RHBG: variants seen among roughly 807,000 people sequenced by gnomAD.
The protein encoded by RHBG is ammonium transporter Rh type B.
A neutral mutation model predicts 40.1 loss-of-function variants in RHBG; 39 were observed. The ratio of observed to expected loss-of-function variants is 0.97; its 90% CI spans 0.75 to 1.27. The LOEUF (loss-of-function observed/expected upper bound fraction) is 1.27. Ranked by LOEUF, RHBG falls within the 50% of genes most tolerant of loss-of-function variation. The pLI is 0.00. For missense variants in RHBG, 549 were observed against 588.1 expected (o/e 0.93, Z 0.69); for synonymous variants, 237 against 252.5 (o/e 0.94, Z 0.58).
chr1:156,377,974 T>C lies in RHBG; in HGVS notation c.375-16T>C. 2 of 1,530,490 alleles carry C rather than the reference T, an allele frequency of 1.3e-6. No homozygotes were observed. Among genetic ancestry groups the C allele is most frequent in the African/African-American group, 2.8e-5 (2 of 72,620 alleles). The allele number at this position is 1,530,490 out of a possible 1,614,324, so 94.8% of individuals were successfully genotyped here. A position where few individuals can be genotyped will look rare whatever the true frequency, so the allele number is the denominator to read the frequency against. On this transcript the variant is annotated splice_polypyrimidine_tract_variant and intron_variant, in intron 2 of 9. Coordinates refer to ENST00000537040, the MANE Select transcript of RHBG (RefSeq NM_020407.5). This position sits in a 1 kb window ranked among gnomAD's most constrained non-coding sequence, Gnocchi z 4.6. Reference sequence around the variant, plus strand: ...CTCTGACCCCTCTTGTGCTCCCACTTCTGCCCCATCCCCAGCATGATCAAT... The same window carrying C: ...CTCTGACCCCTCTTGTGCTCCCACTCCTGCCCCATCCCCAGCATGATCAAT...
At chr1:156,383,860 T>G (rs1168580032) in intron 8 of RHBG, among the ~76,000 whole-genome samples, 4 of 116,348 alleles carry the variant, frequency 3.4e-5, no homozygotes, top group Non-Finnish European at 5.2e-5. Context: ...TGAGACGGAG[T>G]TTCGCTCTTG....
Position 156,377,535 on chromosome 1 carries a change from C to G in RHBG, c.374+48C>G. 6.4e-7 allele frequency: 1 copy of G among 1,566,914 alleles called. No individual in the cohort carries two copies. Among genetic ancestry groups the G allele is most frequent in the South Asian group, 1.1e-5 (1 of 87,668 alleles). On this transcript the variant is annotated intron_variant, in intron 2 of 9. Transcript: ENST00000537040. This position sits in a 1 kb window ranked among gnomAD's most constrained non-coding sequence, Gnocchi z 4.6. ...GCTCCCCAAGGTTCACTCGGGAGGC[C>G]CCTGCCCATGGGCCCCGGATCTAGC...
In RHBG at chr1:156,381,418, C is replaced by T. The variant is rs566768963; in HGVS notation, c.745C>T (p.Arg249Trp). ...CACAGCGCTGGGGGCTGGGCAGCAT[C>T]GGACGGCCCTCAACACATACTACTC... ...ALTALGAGQH[R>W]TALNTYYSLA... is the part of the protein sequence containing the mutation. Residue 249 changes from arginine (R) to tryptophan (W), a missense_variant, in exon 5 of 10, where the codon CGG becomes TGG. Physicochemically the swap from Arg to Trp is moderately radical, Grantham distance 101. Around this residue, in one of 3 missense-constraint regions of RHBG, gnomAD observed 399 missense variants for 417.0 expected, o/e 0.96. Coordinates refer to ENST00000537040, the MANE Select transcript of RHBG (RefSeq NM_020407.5). 54 of 1,614,094 alleles carry T rather than the reference C, an allele frequency of 3.3e-5. No homozygotes were observed. Among genetic ancestry groups the T allele is most frequent in the Non-Finnish European group, 4.0e-5 (47 of 1,180,018 alleles).
At chr1:156,369,971 T>C (rs1666729367) in intron 1 of RHBG, among the ~76,000 whole-genome samples, 1 of 152,036 alleles carries the variant, frequency 6.6e-6, no homozygotes, top group South Asian at 2.1e-4. Context: ...CCAGTTGGGA[T>C]CAGGCATTTC....
At chr1:156,376,678 A>T (rs568295920) in intron 1 of RHBG, among the ~76,000 whole-genome samples, 79 of 152,168 alleles carry the variant, frequency 5.2e-4, no homozygotes, top group East Asian at 2.9e-3. Context: ...TAAAATTTTT[A>T]AAAAAATAAC....
At chr1:156,381,991 C>T (rs751016554) in intron 6 of RHBG, 48 bp downstream of exon 6, 35 of 1,609,036 alleles carry the variant, frequency 2.2e-5, no homozygotes, top group South Asian at 1.8e-4. Flanking sequence ...TCTTTGGTAC[C>T]TTTCCTCCCG....
intron 4 of RHBG, among the ~76,000 whole-genome samples, chr1:156,378,944 C>A (rs1200150352): frequency 6.6e-6 from 1 of 151,802 alleles, no homozygotes; most frequent in Non-Finnish European, 1.5e-5. Flanking sequence ...CCCAGGGACC[C>A]ATAGGAGCTA....
At chr1:156,382,899 G>A in intron 8 of RHBG, 30 bp downstream of exon 8, 1 of 1,614,058 alleles carries the variant, frequency 6.2e-7, no homozygotes, top group African/African-American at 1.3e-5. Context: ...CTAGAGGAAG[G>A]GGCATGGGAT....
rs1217010802 is a variant in RHBG, at chr1:156,384,558, C to A, written c.1266C>A (p.Ser422=). Residue 422 remains serine, a synonymous_variant, in exon 9 of 10, where the codon TCC becomes TCA. Transcript: ENST00000537040. ...TGCTGAAGCTACCCTTTCTGGACTC[C>A]CCCCCAGACTCCCAGCACTACGAGG... ...GLLLKLPFLD[S]PPDSQHYEDQ... The A allele has an allele frequency of 6.2e-7, 1 of 1,600,878 alleles. No homozygotes were observed. Among genetic ancestry groups the A allele is most frequent in the South Asian group, 1.1e-5 (1 of 89,598 alleles).
rs747036887 is a variant in RHBG, at chr1:156,382,040, G to C, written c.979-28G>C. The C allele has an allele frequency of 3.1e-6, 5 of 1,611,174 alleles. No homozygotes were observed. The Admixed American group carries it at 8.5e-5, about 27-fold the overall frequency. On this transcript the variant is annotated intron_variant, in intron 6 of 9. Transcript: ENST00000537040. The stretch of plus-strand genomic sequence containing the variant: ...ATGAGGTGGTGGGGAGTGGGCACAG[G>C]AGACTCATGATCTGTCTTGCCCTCC...
intron 1 of RHBG, among the ~76,000 whole-genome samples, chr1:156,376,419 AGAGGTAT>A (rs1388067451): frequency 1.3e-5 from 2 of 149,624 alleles, no homozygotes; most frequent in East Asian, 3.9e-4. Context: ...GCTGGAGTGC[AGAGGTAT>A]GATCTTGGCT....
In RHBG at chr1:156,377,470, C is replaced by T; in HGVS notation, c.357C>T (p.Ile119=). Residue 119 remains isoleucine (I), a synonymous_variant, in exon 2 of 10, where the codon ATC becomes ATT. Coordinates refer to ENST00000537040, the MANE Select transcript of RHBG (RefSeq NM_020407.5). This position sits in a 1 kb window ranked among gnomAD's most constrained non-coding sequence, Gnocchi z 4.6. The part of the protein sequence containing the change: ...GFLHSFHGGH[I]HVGVESMINA... ...TCCACTCCTTCCACGGTGGCCACAT[C>T]CATGTTGGCGTGGAGAGGTGGGCAG... The T allele has an allele frequency of 6.2e-7, 1 of 1,611,670 alleles. No homozygotes were observed. Among genetic ancestry groups the T allele is most frequent in the Non-Finnish European group, 8.5e-7 (1 of 1,177,996 alleles).
chr1:156,371,909 G>A (rs1163738507), intron 1 of RHBG: 1 of 152,256 alleles, frequency 6.6e-6, no homozygotes. Flanking sequence ...TAAAAGGTGG[G>A]ATTCCTACTT....
At chr1:156,375,832 T>C (rs967843261) in intron 1 of RHBG, among the ~76,000 whole-genome samples, 1 of 151,896 alleles carries the variant, frequency 6.6e-6, no homozygotes, top group Admixed American at 6.6e-5. Flanking sequence ...CTCCACCTCC[T>C]GGGTTCAAGT....
chr1:156,382,565 A>G, intron 7 of RHBG, 183 bp from the exon 8 acceptor site: 1 of 763,420 alleles, frequency 1.3e-6, no homozygotes, highest in Non-Finnish European at 2.2e-6. Flanking sequence ...AAGGTGTTCC[A>G]GGCTGTGGGC....
chr1:156,381,649 A>G, intron 5 of RHBG, 136 bp downstream of exon 5: 8 of 1,376,260 alleles, frequency 5.8e-6, no homozygotes, highest in South Asian at 2.8e-5. Context: ...GCTGGTGGCT[A>G]TGGGATCAGA....
rs773560344 is a variant in RHBG, at chr1:156,378,041, C to T, written c.426C>T (p.Ala142=). The T allele has an allele frequency of 1.6e-5, 26 of 1,584,878 alleles. No homozygotes were observed. The highest frequency in any genetic ancestry group is 3.5e-5 in the South Asian group (3 of 86,248). The change falls in exon 3 of 10, where the codon GCC becomes GCT. Residue 142 remains alanine, a synonymous_variant. Transcript: ENST00000537040. Reference sequence around the variant, plus strand: ...GGGCCGTGCTCATCTCCTTTGGTGCCGTCCTGGGCAAGACCGGGCCTACCC... The same window carrying T: ...GGGCCGTGCTCATCTCCTTTGGTGCTGTCCTGGGCAAGACCGGGCCTACCC... ...CAGAVLISFG[A]VLGKTGPTQL...
intron 1 of RHBG, among the ~76,000 whole-genome samples, chr1:156,376,076 A>G (rs562114292): frequency 6.6e-6 from 1 of 152,244 alleles, no homozygotes; most frequent in African/African-American, 2.4e-5. Context: ...TTAGCTTTTT[A>G]TTCAGAGTGG....
In RHBG at chr1:156,378,383, C is replaced by A. The variant is rs758827981; in HGVS notation, c.657C>A (p.Asp219Glu). 3.1e-6 allele frequency: 5 copies of A among 1,604,678 alleles called. No homozygotes were observed. Among genetic ancestry groups the A allele is most frequent in the Non-Finnish European group, 4.3e-6 (5 of 1,174,296 alleles). ...KHRQGSVYHS[D>E]LFAMIGTIFL... ...GCCAGGGCTCCGTCTACCATTCAGA[C>A]CTCTTCGCCATGATTGGTGAGGCCT... Residue 219 changes from aspartate to glutamate, a missense_variant, in exon 4 of 10, where the codon GAC (aspartate) becomes GAA (glutamate). Transcript: ENST00000537040.
Sources: allele counts gnomAD v4.1 joint callset (sites outside exome capture counted in the v4.1 genomes callset), GRCh38; gene constraint gnomAD v4.1.1; regional missense constraint gnomAD v4.1.1; non-coding constraint Gnocchi (gnomAD v3.1); transcripts MANE v1.5; gene names NCBI Gene and HGNC (gene_info 2026-07-23, HGNC 2026-07-21).